Variants in MECOM observed in about 807,000 individuals in gnomAD.
MECOM encodes MDS1 and EVI1 complex locus, also known as histone-lysine N-methyltransferase MECOM.
A neutral mutation model predicts 116.3 loss-of-function variants in MECOM; 13 were observed. The ratio of observed to expected loss-of-function variants is 0.11; its 90% CI spans 0.07 to 0.18. The LOEUF (loss-of-function observed/expected upper bound fraction) is 0.18. Among genes scored for constraint, MECOM ranks in the 10% least tolerant of loss-of-function variants. The pLI, the probability that MECOM is intolerant of heterozygous loss-of-function variation, is 1.00. For missense variants in MECOM, 1,299 were observed against 1,509.0 expected, an observed-to-expected ratio of 0.86 and a Z score of 2.31; for synonymous variants, 528 against 535.2, an observed-to-expected ratio of 0.99 and a Z score of 0.19.
chr3:169,202,942 G>A (rs139454528), intron 2 of MECOM, among the ~76,000 whole-genome samples: 1 of 151,820 alleles, frequency 6.6e-6, no homozygotes, highest in East Asian at 1.9e-4. Flanking sequence ...AATATACAAG[G>A]GACTGCAAAG....
At chr3:169,453,381 G>T (rs1391241546) in intron 1 of MECOM, among the ~76,000 whole-genome samples, 3 of 152,216 alleles carry the variant, frequency 2.0e-5, no homozygotes, top group African/African-American at 7.2e-5. Context: ...AACTGCTGGA[G>T]AAGAGCCCCA....
At position 169,180,793 on chromosome 3, in the gene MECOM, T is replaced by TTATATATATATATATATATA. The variant is rs1415631608; in HGVS notation, c.376-36962_376-36961insTATATATATATATATATATA. Among the ~76,000 whole-genome samples, 73 of 71,164 alleles carry TTATATATATATATATATATA rather than the reference T, an allele frequency of 1.0e-3. 4 individuals carry two copies. Among genetic ancestry groups the TTATATATATATATATATATA allele is most frequent in the Non-Finnish European group, 1.6e-3 (57 of 36,654 alleles). The allele number at this position is 71,164 out of a possible 152,430, so 46.7% of individuals were successfully genotyped here. On this transcript the variant is annotated intron_variant, in intron 2 of 16. Coordinates refer to ENST00000651503, the MANE Select transcript of MECOM (RefSeq NM_004991.4). ...TTATGTATGTGTGTGTGTGTGGAGATGATATATATATATATATATATCAGG... is the reference window on the plus strand; with the variant it reads ...TTATGTATGTGTGTGTGTGTGGAGATTATATATATATATATATATAGATATATATATATATATATATCAGG...
intron 1 of MECOM, among the ~76,000 whole-genome samples, chr3:169,621,624 G>A (rs1478919376): frequency 6.6e-6 from 1 of 152,128 alleles, no homozygotes; most frequent in African/African-American, 2.4e-5. Context: ...GGGCATGGTG[G>A]TGCATGCCTG....
intron 3 of MECOM, 123 bp from the exon 4 acceptor site, chr3:169,131,654 CTTTTTT>C (rs1734759191): frequency 2.6e-6 from 2 of 758,448 alleles, no homozygotes; most frequent in Admixed American, 6.1e-5. Flanking sequence ...TTTTCTTTTT[CTTTTTT>C]ATCAAAAGAA....
intron 1 of MECOM, among the ~76,000 whole-genome samples, chr3:169,572,632 A>C (rs1764041289): frequency 6.6e-6 from 1 of 152,244 alleles, no homozygotes; most frequent in East Asian, 1.9e-4. Context: ...AAAATGTGGC[A>C]CATGTACACC....
At chr3:169,360,290 T>TAAAAAAAAAAAAAAAAAAAAATTAAAAA (rs1203615730) in intron 2 of MECOM, among the ~76,000 whole-genome samples, 1 of 29,538 alleles carries the variant, frequency 3.4e-5, no homozygotes, top group Admixed American at 5.1e-4. Flanking sequence ...TAAAGTATAA[T>TAAAAAAAAAAAAAAAAAAAAATTAAAAA]AAAAAAAAAA....
rs926147748 is a variant in MECOM at position 169,085,010 on chromosome 3, C to G, written c.3619G>C (p.Glu1207Gln). The change falls in exon 17 of 17, where the codon GAG becomes CAG. Residue 1207 changes from glutamate (E) to glutamine (Q), a missense_variant. Coordinates refer to ENST00000651503, the MANE Select transcript of MECOM (RefSeq NM_004991.4). ...YAMMLSLSDK[E>Q]SLHSTSHSSS... The stretch of plus-strand genomic sequence containing the variant: ...CTGTGGGATGTAGAATGGAGGGACT[C>G]CTTGTCAGACAGTGACAGCATCATA... 16 of 1,614,088 alleles carry G rather than the reference C, an allele frequency of 9.9e-6. No homozygotes were observed. The highest frequency in any genetic ancestry group is 1.3e-5 in the Non-Finnish European group (15 of 1,179,988).
chr3:169,086,584 T>C, intron 16 of MECOM: 2 of 701,210 alleles, frequency 2.9e-6, no homozygotes, highest in Middle Eastern at 4.6e-4. Context: ...CAGATGATAG[T>C]AATAACAGTA....
chr3:169,270,542 C>T (rs558410499), intron 2 of MECOM, among the ~76,000 whole-genome samples: 13 of 152,068 alleles, frequency 8.5e-5, no homozygotes, highest in Non-Finnish European at 1.6e-4. Context: ...ACTGTTATAA[C>T]CCTTTCAGAA....
chr3:169,634,990 A>T (rs544035455), intron 1 of MECOM, among the ~76,000 whole-genome samples: 1 of 152,208 alleles, frequency 6.6e-6, no homozygotes, highest in East Asian at 1.9e-4. Context: ...ATGCTAGGCC[A>T]GGATGGGTGT....
intron 2 of MECOM, chr3:169,146,781 A>C (rs367581246): frequency 1.6e-5 from 18 of 1,146,300 alleles, no homozygotes; most frequent in Middle Eastern, 4.1e-4. Flanking sequence ...GAATCAAAAT[A>C]AACAAAATAA....
chr3:169,626,949 A>G (rs1771458000), intron 1 of MECOM, among the ~76,000 whole-genome samples: 1 of 152,118 alleles, frequency 6.6e-6, no homozygotes, highest in Non-Finnish European at 1.5e-5. Flanking sequence ...GTACACACAC[A>G]TGCACAAACA....
At chr3:169,658,960 A>T (rs773803956) in intron 1 of MECOM, among the ~76,000 whole-genome samples, 1 of 151,954 alleles carries the variant, frequency 6.6e-6, no homozygotes, top group Non-Finnish European at 1.5e-5. Flanking sequence ...TTCCTGCCCC[A>T]GGTCACAACT....
chr3:169,534,787 A>G (rs2109176668), intron 1 of MECOM, among the ~76,000 whole-genome samples: 1 of 152,262 alleles, frequency 6.6e-6, no homozygotes, highest in East Asian at 1.9e-4. Flanking sequence ...GAAACTGAGG[A>G]ACAAAAAGGC....
intron 1 of MECOM, among the ~76,000 whole-genome samples, chr3:169,620,060 A>G (rs554463199): frequency 1.1e-4 from 17 of 152,356 alleles, no homozygotes; most frequent in African/African-American, 4.1e-4. Context: ...CATAATAGCC[A>G]TCCGAGCCGA....
chr3:169,594,195 C>A (rs1337678701), intron 1 of MECOM, among the ~76,000 whole-genome samples: 11 of 141,852 alleles, frequency 7.8e-5, no homozygotes, highest in Non-Finnish European at 1.4e-4. Flanking sequence ...CACCTAAGTA[C>A]CTCAAGGCCC....
At chr3:169,649,685 T>C (rs1412933771) in intron 1 of MECOM, among the ~76,000 whole-genome samples, 1 of 152,204 alleles carries the variant, frequency 6.6e-6, no homozygotes, top group African/African-American at 2.4e-5. Context: ...ACTTAAAATA[T>C]ACTTTGAAAA....
At chr3:169,220,765 G>A (rs539314949) in intron 2 of MECOM, among the ~76,000 whole-genome samples, 30 of 152,258 alleles carry the variant, frequency 2.0e-4, no homozygotes, top group East Asian at 1.7e-3. Flanking sequence ...TTAAGCCACC[G>A]TGCCTGCCAA....
At chr3:169,414,610 C>T (rs577144319) in intron 1 of MECOM, among the ~76,000 whole-genome samples, 1 of 152,118 alleles carries the variant, frequency 6.6e-6, no homozygotes, top group Non-Finnish European at 1.5e-5. Flanking sequence ...CATGTTCTAA[C>T]TCAATGCAAG....
Sources: allele counts gnomAD v4.1 joint callset (sites outside exome capture counted in the v4.1 genomes callset), GRCh38; gene constraint gnomAD v4.1.1; transcripts MANE v1.5; gene names NCBI Gene and HGNC (gene_info 2026-07-23, HGNC 2026-07-21).